ATPAF2: variants seen among roughly 807,000 people sequenced by gnomAD.
ATPAF2 encodes the protein ATP12 homolog.
In ATPAF2, 30 loss-of-function variants were observed where a neutral mutation model predicts 36.6. The observed-to-expected ratio is 0.82, with a 90% CI of 0.61 to 1.11. ATPAF2 has a LOEUF of 1.11. Ranked by LOEUF, ATPAF2 falls within the 50% of genes most tolerant of loss-of-function variation. The pLI, the probability that ATPAF2 is intolerant of heterozygous loss-of-function variation, is 0.00. For missense variants in ATPAF2, 321 were observed against 372.3 expected, an observed-to-expected ratio of 0.86 and a Z score of 1.13; for synonymous variants, 140 against 152.6, an observed-to-expected ratio of 0.92 and a Z score of 0.61.
chr17:18,016,759 G>T, downstream of ATPAF2: 2 of 745,474 alleles, frequency 2.7e-6, no homozygotes, highest in Non-Finnish European at 4.4e-6. Context: ...CGCACCTCTA[G>T]AGAGTTGCTG....
At chr17:18,028,537 C>T in intron 2 of ATPAF2, 78 bp downstream of exon 2, 1 of 1,512,810 alleles carries the variant, frequency 6.6e-7, no homozygotes, top group Non-Finnish European at 9.0e-7. Flanking sequence ...ACCATGAAAC[C>T]AGCTGAAGAT....
intron 1 of ATPAF2, among the ~76,000 whole-genome samples, chr17:18,031,846 T>G (rs1018376944): frequency 6.6e-6 from 1 of 152,222 alleles, no homozygotes; most frequent in Non-Finnish European, 1.5e-5. Flanking sequence ...TGTCTTACTA[T>G]GGCACCTTCA....
At chr17:18,018,783 A>G in intron 7 of ATPAF2, 97 bp from the exon 8 acceptor site, 1 of 1,580,082 alleles carries the variant, frequency 6.3e-7, no homozygotes, top group Admixed American at 1.7e-5. Context: ...GGCTGAGGGC[A>G]ACAGGTTTGT....
rs371822840 is a variant in ATPAF2 at position 18,039,120 on chromosome 17, C to T, written c.-107G>A. Reference sequence around the variant, plus strand: ...GTCGGGCTGTACGGAAACCTCTCAACGCCTCCTCAGAGCCCTCAACCTCCC... The same window carrying T: ...GTCGGGCTGTACGGAAACCTCTCAATGCCTCCTCAGAGCCCTCAACCTCCC... On this transcript the variant is annotated 5_prime_UTR_variant, in exon 1 of 8. Coordinates refer to ENST00000474627, the MANE Select transcript of ATPAF2 (RefSeq NM_145691.4). This position sits in a 1 kb window ranked among gnomAD's most constrained non-coding sequence, Gnocchi z 5.3. 248 of 1,473,484 alleles carry T rather than the reference C, an allele frequency of 1.7e-4. 2 individuals are homozygous for T. In the East Asian group the frequency reaches 3.9e-3, roughly 23 times the overall value. 91.3% of individuals were successfully genotyped at this position (1,473,484 alleles called of 1,614,324 possible).
chr17:18,024,564 C>G (rs1275512677), intron 5 of ATPAF2, 60 bp downstream of exon 5: 2 of 1,434,304 alleles, frequency 1.4e-6, no homozygotes, highest in Non-Finnish European at 2.0e-6. Context: ...CCCCCTGACC[C>G]CTACACTCCA....
chr17:18,019,182 C>CACACACACACAG, intron 7 of ATPAF2, among the ~76,000 whole-genome samples: 1 of 151,240 alleles, frequency 6.6e-6, no homozygotes, highest in Admixed American at 6.6e-5. Flanking sequence ...CACACACACA[C>CACACACACACAG]ACACCCCACC....
chr17:18,020,672 TCTTAC>T (rs1443061099), intron 7 of ATPAF2: 5 of 180,882 alleles, frequency 2.8e-5, no homozygotes, highest in African/African-American at 1.2e-4. Flanking sequence ...ATTGTTATTA[TCTTAC>T]CTTTTTTTTT....
intron 7 of ATPAF2, among the ~76,000 whole-genome samples, chr17:18,019,909 G>C (rs1460967908): frequency 6.6e-6 from 1 of 152,184 alleles, no homozygotes; most frequent in African/African-American, 2.4e-5. Context: ...GGCCTGGCTT[G>C]GGTCCCATAG....
chr17:18,030,320 C>CAAAAAAAA (rs1162130285), intron 1 of ATPAF2, among the ~76,000 whole-genome samples: 12 of 64,084 alleles, frequency 1.9e-4, no homozygotes, highest in East Asian at 5.0e-4. Flanking sequence ...GACTCCATCT[C>CAAAAAAAA]AAAAAAAAAA....
intron 1 of ATPAF2, among the ~76,000 whole-genome samples, chr17:18,032,215 G>A (rs758187179): frequency 1.2e-4 from 18 of 152,208 alleles, no homozygotes; most frequent in Admixed American, 2.6e-4. Flanking sequence ...TTCCAGGCCC[G>A]GTCTGGGAAG....
At chr17:18,023,187 T>C (rs886175360) in intron 5 of ATPAF2, among the ~76,000 whole-genome samples, 1 of 148,508 alleles carries the variant, frequency 6.7e-6, no homozygotes, top group East Asian at 2.0e-4. Context: ...ATCCCAGCAC[T>C]TCAGGAGAAT....
downstream of ATPAF2, chr17:18,016,691 G>C: frequency 6.5e-7 from 1 of 1,537,430 alleles, no homozygotes; most frequent in East Asian, 2.2e-5. Flanking sequence ...AGCCACAGGA[G>C]CTTCTTCAAA....
At chr17:18,030,340 A>G (rs1357130305) in intron 1 of ATPAF2, among the ~76,000 whole-genome samples, 2 of 146,172 alleles carry the variant, frequency 1.4e-5, no homozygotes, top group East Asian at 2.0e-4. Flanking sequence ...AAAAAAAAAA[A>G]AAAGAAAAAT....
chr17:18,015,927 T>A, downstream of ATPAF2: 1 of 844,024 alleles, frequency 1.2e-6, no homozygotes, highest in East Asian at 2.6e-5. Flanking sequence ...CAGAGTGCGC[T>A]GATACAAAGG....
At chr17:18,023,227 T>A (rs965212829) in intron 5 of ATPAF2, among the ~76,000 whole-genome samples, 1 of 151,520 alleles carries the variant, frequency 6.6e-6, no homozygotes, top group South Asian at 2.1e-4. Flanking sequence ...GGTCAGGAGT[T>A]CGAGACCAGC....
chr17:18,030,909 G>A (rs1460870796), intron 1 of ATPAF2, among the ~76,000 whole-genome samples: 3 of 128,744 alleles, frequency 2.3e-5, no homozygotes, highest in Non-Finnish European at 3.1e-5. Context: ...TCCTGACCTC[G>A]TGATCCACCT....
chr17:18,030,535 ACAAG>A (rs2044614731), intron 1 of ATPAF2, among the ~76,000 whole-genome samples: 1 of 149,228 alleles, frequency 6.7e-6, no homozygotes, highest in Non-Finnish European at 1.5e-5. Context: ...AAAAAAAAAA[ACAAG>A]CTTAAGTTAA....
intron 1 of ATPAF2, among the ~76,000 whole-genome samples, chr17:18,030,338 A>C (rs189626835): frequency 6.8e-6 from 1 of 147,998 alleles, no homozygotes; most frequent in African/African-American, 2.5e-5. Context: ...AAAAAAAAAA[A>C]AAAAAGAAAA....
intron 7 of ATPAF2, chr17:18,020,645 C>T (rs528793972): frequency 8.2e-5 from 14 of 170,368 alleles, no homozygotes; most frequent in Non-Finnish European, 1.4e-4. Context: ...AGCGGTAGCA[C>T]TTACTGTTAT....
Sources: allele counts gnomAD v4.1 joint callset (sites outside exome capture counted in the v4.1 genomes callset), GRCh38; gene constraint gnomAD v4.1.1; non-coding constraint Gnocchi (gnomAD v3.1); transcripts MANE v1.5; gene names NCBI Gene and HGNC (gene_info 2026-07-23, HGNC 2026-07-21).